The following OR13A1 variants were observed in gnomAD, a reference collection of about 807,000 sequenced individuals.
OR13A1 encodes the protein olfactory receptor 13A1.
Under a neutral mutation model 7.5 loss-of-function variants are expected in OR13A1, and 10 were observed. The ratio of observed to expected loss-of-function variants is 1.34; its 90% CI spans 0.83 to 2.27. The LOEUF (loss-of-function observed/expected upper bound fraction) is 2.27. Among genes scored for constraint, OR13A1 ranks in the 30% most tolerant of loss-of-function variants. OR13A1 has a pLI of 0.00. For missense variants in OR13A1, 509 were observed against 419.1 expected, an observed-to-expected ratio of 1.21 and a Z score of -1.87; for synonymous variants, 238 against 177.9, an observed-to-expected ratio of 1.34 and a Z score of -2.69.
Position 45,303,666 on chromosome 10 carries a change from G to T in OR13A1, c.757C>A (p.Gln253Lys). ...GAAGAGCAGGTGGAGAAGGCTTTCT[G>T]CCTCCCCCAGGCAGTCTTCACCTTC... ...ILKVKTAWGR[Q>K]KAFSTCSSHL... is the part of the protein sequence containing the mutation. The change falls in exon 4 of 4, where the codon CAG (glutamine) becomes AAG (lysine). Residue 253 changes from glutamine to lysine, a missense_variant. Transcript: ENST00000553795. 6.2e-7 allele frequency: 1 copy of T among 1,614,206 alleles called. No homozygotes were observed. The highest frequency in any genetic ancestry group is 8.5e-7 in the Non-Finnish European group (1 of 1,180,030).
In OR13A1 at chr10:45,307,562, T is replaced by C. The variant is rs1315998674; in HGVS notation, c.-149A>G. Reference sequence around the variant, plus strand: ...ATTTCTTTACAGCCTCAGCCAGTCATTTCTTCTGAAAAATAACAAAGACCT... The same window carrying C: ...ATTTCTTTACAGCCTCAGCCAGTCACTTCTTCTGAAAAATAACAAAGACCT... On this transcript the variant is annotated 5_prime_UTR_variant, in exon 3 of 4. It removes an upstream start codon present in the reference 5' UTR. Coordinates refer to ENST00000553795, the MANE Select transcript of OR13A1 (RefSeq NM_001004297.3). 1 of 152,232 alleles carries C rather than the reference T, an allele frequency of 6.6e-6. No individual in the cohort carries two copies. The highest frequency in any genetic ancestry group is 1.5e-5 in the Non-Finnish European group (1 of 68,042). The allele number at this position is 152,232 out of a possible 1,614,324, so 9.4% of individuals were successfully genotyped here.
intron 1 of OR13A1, among the ~76,000 whole-genome samples, chr10:45,313,728 A>G (rs1838480587): frequency 6.6e-6 from 1 of 152,316 alleles, no homozygotes; most frequent in East Asian, 1.9e-4. Context: ...ACAATTACAA[A>G]TATATATACC....
At position 45,303,621 on chromosome 10, in the gene OR13A1, T is replaced by C. The variant is rs775059823; in HGVS notation, c.802A>G (p.Met268Val). ...TCSSHLTVVC[M>V]YYTAVFYAYI... is the part of the protein sequence containing the mutation. ...GCGTAGAAGACAGCGGTGTAATACA[T>C]GCACACCACGGTGAGGTGGGAAGAG... The change falls in exon 4 of 4, where the codon ATG becomes GTG. Residue 268 changes from methionine to valine, a missense_variant. Transcript: ENST00000553795. 1.2e-6 allele frequency: 2 copies of C among 1,613,554 alleles called. No individual in the cohort carries two copies. The highest frequency in any genetic ancestry group is 1.7e-5 in the Admixed American group (1 of 60,014).
Position 45,303,478 on chromosome 10 carries a change from G to C in OR13A1, c.945C>G (p.Val315=). 2 of 1,611,088 alleles carry C rather than the reference G, an allele frequency of 1.2e-6. No individual in the cohort carries two copies. Among genetic ancestry groups the C allele is most frequent in the Non-Finnish European group, 1.7e-6 (2 of 1,178,438 alleles). Residue 315 remains valine (V), a synonymous_variant, in exon 4 of 4, where the codon GTC becomes GTG. Transcript: ENST00000553795. The stretch of plus-strand genomic sequence containing the variant: ...GGAAAAGCTTCCTGAGGGCTGCTTT[G>C]ACCTCCTTGTTTCTCAAAGTATAGA... ...PLIYTLRNKE[V]KAALRKLFPF...
intron 1 of OR13A1, among the ~76,000 whole-genome samples, chr10:45,308,218 T>C (rs893388625): frequency 2.6e-5 from 4 of 152,256 alleles, no homozygotes; most frequent in African/African-American, 9.6e-5. Context: ...GGGTCAAATC[T>C]GAAAGACATT....
chr10:45,314,553 T>A (rs1838494186), intron 1 of OR13A1, among the ~76,000 whole-genome samples: 1 of 145,234 alleles, frequency 6.9e-6, no homozygotes, highest in East Asian at 2.0e-4. Context: ...AGGAGGAAAA[T>A]CCTAAAGATT....
rs546478222 is a variant in OR13A1 at position 45,314,560 on chromosome 10, G to T, written c.-225+964C>A. Among the ~76,000 whole-genome samples the T allele has an allele frequency of 1.6e-3, 236 of 151,022 alleles. 1 individual carries two copies. Among genetic ancestry groups the T allele is most frequent in the African/African-American group, 5.6e-3 (231 of 41,274 alleles). On this transcript the variant is annotated intron_variant, in intron 1 of 3. Transcript: ENST00000553795. ...CTAGCAGAAGGAGGAAAATCCTAAAGATTAGATTAAATCAGAGATAAATGA... is the reference window on the plus strand; with the variant it reads ...CTAGCAGAAGGAGGAAAATCCTAAATATTAGATTAAATCAGAGATAAATGA...
intron 1 of OR13A1, among the ~76,000 whole-genome samples, chr10:45,309,998 G>A (rs774034045): frequency 6.6e-6 from 1 of 152,116 alleles, no homozygotes; most frequent in Non-Finnish European, 1.5e-5. Flanking sequence ...TGACGTACAT[G>A]AATCCATTTT....
chr10:45,313,895 A>G (rs549016621), intron 1 of OR13A1, among the ~76,000 whole-genome samples: 1 of 152,302 alleles, frequency 6.6e-6, no homozygotes, highest in Non-Finnish European at 1.5e-5. Flanking sequence ...GTACTTGAAC[A>G]ACACTATAAA....
chr10:45,310,874 TA>T (rs1283750454), intron 1 of OR13A1, among the ~76,000 whole-genome samples: 1 of 152,122 alleles, frequency 6.6e-6, no homozygotes, highest in Non-Finnish European at 1.5e-5. Flanking sequence ...GGACATGAAT[TA>T]AAGAGTTATA....
In OR13A1 at chr10:45,303,637, G is replaced by A. The variant is rs761284484; in HGVS notation, c.786C>T (p.His262=). 6.2e-7 allele frequency: 1 copy of A among 1,614,186 alleles called. No individual in the cohort carries two copies. The highest frequency in any genetic ancestry group is 8.5e-7 in the Non-Finnish European group (1 of 1,180,028). ...RQKAFSTCSS[H]LTVVCMYYTA... is the part of the protein sequence containing the mutation. ...TGTAATACATGCACACCACGGTGAG[G>A]TGGGAAGAGCAGGTGGAGAAGGCTT... is the stretch of plus-strand genomic sequence containing the variant. The change falls in exon 4 of 4, where the codon CAC becomes CAT. Residue 262 remains histidine, a synonymous_variant. Coordinates refer to ENST00000553795, the MANE Select transcript of OR13A1 (RefSeq NM_001004297.3).
At chr10:45,310,302 C>T (rs1348728831) in intron 1 of OR13A1, among the ~76,000 whole-genome samples, 1 of 152,178 alleles carries the variant, frequency 6.6e-6, no homozygotes, top group Non-Finnish European at 1.5e-5. Flanking sequence ...GGGGTAGCTT[C>T]CAGACTGATG....
intron 1 of OR13A1, among the ~76,000 whole-genome samples, chr10:45,308,402 C>G (rs1838379183): frequency 6.6e-6 from 1 of 152,092 alleles, no homozygotes; most frequent in African/African-American, 2.4e-5. Flanking sequence ...TAAATCCAGC[C>G]CCATCAAATG....
intron 1 of OR13A1, chr10:45,308,639 G>C (rs1838383197): frequency 6.6e-6 from 1 of 152,304 alleles, no homozygotes; most frequent in East Asian, 1.9e-4. Flanking sequence ...TAAGCAGACA[G>C]AGTTATGAGT....
At chr10:45,314,996 A>G (rs1156402369) in intron 1 of OR13A1, among the ~76,000 whole-genome samples, 1 of 152,210 alleles carries the variant, frequency 6.6e-6, no homozygotes, top group East Asian at 1.9e-4. Flanking sequence ...TGTTTCTCAA[A>G]GTCATTTACA....
intron 1 of OR13A1, among the ~76,000 whole-genome samples, chr10:45,313,938 C>G (rs1198202538): frequency 6.8e-6 from 1 of 146,332 alleles, no homozygotes; most frequent in African/African-American, 2.7e-5. Context: ...AACATTCCAC[C>G]CAATAAAATC....
chr10:45,308,277 T>C (rs1004283862), intron 1 of OR13A1, among the ~76,000 whole-genome samples: 3 of 152,234 alleles, frequency 2.0e-5, no homozygotes, highest in Admixed American at 1.3e-4. Flanking sequence ...CATAAATGTA[T>C]CTAAATAACT....
chr10:45,306,448 G>A (rs1041587684), intron 3 of OR13A1, among the ~76,000 whole-genome samples: 10 of 85,418 alleles, frequency 1.2e-4, no homozygotes, highest in African/African-American at 3.1e-4. Flanking sequence ...GCGAGACTCC[G>A]TCTCAAAAAA....
At chr10:45,309,463 C>A (rs919705716) in intron 1 of OR13A1, among the ~76,000 whole-genome samples, 3 of 152,118 alleles carry the variant, frequency 2.0e-5, no homozygotes, top group Admixed American at 2.0e-4. Context: ...AAGGACCACT[C>A]TGTCTGCTGA....
Sources: allele counts gnomAD v4.1 joint callset (sites outside exome capture counted in the v4.1 genomes callset), GRCh38; gene constraint gnomAD v4.1.1; transcripts MANE v1.5; gene names NCBI Gene and HGNC (gene_info 2026-07-23, HGNC 2026-07-21).